The following TTC39B variants were observed in gnomAD, a reference collection of about 807,000 sequenced individuals.
TTC39B encodes the protein tetratricopeptide repeat protein 39B.
A neutral mutation model predicts 96.6 loss-of-function variants in TTC39B; 92 were observed. The ratio of observed to expected loss-of-function variants is 0.95; its 90% CI spans 0.80 to 1.13. The LOEUF (loss-of-function observed/expected upper bound fraction) is 1.13, where lower values mean the gene tolerates loss of function less well. Among genes scored for constraint, TTC39B ranks in the 50% most tolerant of loss-of-function variants. The probability of loss-of-function intolerance (pLI) is 0.00; values close to 1 mark genes in which losing one functional copy is unlikely to be tolerated. For missense variants in TTC39B, 955 were observed against 809.3 expected (o/e 1.18, Z -2.18); for synonymous variants, 367 against 299.4 (o/e 1.23, Z -2.33).
chr9:15,179,857 T>C (rs762643012), intron 17 of TTC39B, among the ~76,000 whole-genome samples: 1 of 152,182 alleles, frequency 6.6e-6, no homozygotes. Context: ...GAACTTGAGT[T>C]AGGCATACGG....
At chr9:15,205,888 CA>C (rs1819821238) in intron 6 of TTC39B, among the ~76,000 whole-genome samples, 1 of 152,070 alleles carries the variant, frequency 6.6e-6, no homozygotes, top group African/African-American at 2.4e-5. Flanking sequence ...AGAGCACCTT[CA>C]GGAAAAGCCA....
chr9:15,260,455 C>A (rs994138891), intron 2 of TTC39B, among the ~76,000 whole-genome samples: 1 of 150,992 alleles, frequency 6.6e-6, no homozygotes, highest in African/African-American at 2.5e-5. Flanking sequence ...CCAAAAAAAA[C>A]AGCAGAGAAA....
intron 1 of TTC39B, among the ~76,000 whole-genome samples, chr9:15,286,095 A>G (rs1470185284): frequency 6.6e-6 from 1 of 152,236 alleles, no homozygotes; most frequent in African/African-American, 2.4e-5. Context: ...AAATAAGGAT[A>G]TCCTCTTACA....
chr9:15,289,261 T>C (rs907978480), intron 1 of TTC39B, among the ~76,000 whole-genome samples: 9 of 152,270 alleles, frequency 5.9e-5, no homozygotes, highest in African/African-American at 2.2e-4. Flanking sequence ...GAATATTTAA[T>C]ACCAAAATGT....
intron 2 of TTC39B, among the ~76,000 whole-genome samples, chr9:15,239,397 C>T (rs370162872): frequency 6.6e-6 from 1 of 152,206 alleles, no homozygotes; most frequent in African/African-American, 2.4e-5. Context: ...CCATTTGAGA[C>T]AGCAATCCCA....
chr9:15,207,781 T>C (rs938024038), intron 6 of TTC39B, among the ~76,000 whole-genome samples: 9 of 151,352 alleles, frequency 5.9e-5, no homozygotes, highest in Admixed American at 2.6e-4. Flanking sequence ...GTCAGGAGAT[T>C]GAGACATCCT....
In TTC39B at chr9:15,271,335, A is replaced by T. The variant is rs72700667; in HGVS notation, c.241-3387T>A. On this transcript the variant is annotated intron_variant, in intron 1 of 19. Transcript: ENST00000512701. ...TACAGGATTTTTAGTGGCGAAAAAG[A>T]CTACCTCAAAGATTATGATTTTGCT... 5.4e-3 allele frequency among the ~76,000 whole-genome samples: 816 copies of T among 152,344 alleles called. 13 individuals carry two copies. Among genetic ancestry groups the T allele is most frequent in the East Asian group, 0.03 (154 of 5,192 alleles).
chr9:15,185,554 C>G lies in TTC39B; in HGVS notation c.1488-148G>C, dbSNP rs1038154811. The G allele has an allele frequency of 5.4e-6, 7 of 1,285,760 alleles. No homozygotes were observed. The African/African-American group carries it at 1.1e-4, about 19-fold the overall frequency. 79.6% of individuals were successfully genotyped at this position (1,285,760 alleles called of 1,614,324 possible). On this transcript the variant is annotated intron_variant, in intron 15 of 19. Coordinates refer to ENST00000512701, the Ensembl canonical transcript of TTC39B. ...CTATTTGAAATGCCAATTTTCAGGCCCTACTCTAGACCTACTGAATCAGCA... is the reference window on the plus strand; with the variant it reads ...CTATTTGAAATGCCAATTTTCAGGCGCTACTCTAGACCTACTGAATCAGCA...
Position 15,179,724 on chromosome 9 carries a change from T to C in TTC39B, c.1724-1910A>G, listed in dbSNP as rs76532188. 9.3e-3 allele frequency among the ~76,000 whole-genome samples: 1,411 copies of C among 152,302 alleles called. 19 individuals are homozygous for C. Among genetic ancestry groups the C allele is most frequent in the African/African-American group, 0.032 (1,346 of 41,564 alleles). On this transcript the variant is annotated intron_variant, in intron 17 of 19. Transcript: ENST00000512701. ...GCATTCTACTGAGTTTCCTGTAGCA[T>C]TGTATCGACAGTTTGTATTATGACA...
chr9:15,199,734 CAAAAAA>C (rs35361396), intron 8 of TTC39B, 121 bp downstream of exon 8: 531 of 70,340 alleles, frequency 7.5e-3, no homozygotes, highest in African/African-American at 0.05. Flanking sequence ...GACTCCGTCT[CAAAAAA>C]AAAAAAAAAA....
intron 1 of TTC39B, among the ~76,000 whole-genome samples, chr9:15,288,188 A>C (rs1410685449): frequency 5.9e-5 from 9 of 152,136 alleles, no homozygotes; most frequent in Admixed American, 5.9e-4. Flanking sequence ...CATCCATATG[A>C]TATGGACAGG....
At chr9:15,255,046 T>C (rs1158316342) in intron 2 of TTC39B, among the ~76,000 whole-genome samples, 1 of 152,144 alleles carries the variant, frequency 6.6e-6, no homozygotes, top group Non-Finnish European at 1.5e-5. Flanking sequence ...AGTTTTAACA[T>C]TTTTCATTCT....
intron 2 of TTC39B, among the ~76,000 whole-genome samples, chr9:15,257,424 T>C (rs1422989518): frequency 6.6e-6 from 1 of 152,088 alleles, no homozygotes; most frequent in Non-Finnish European, 1.5e-5. Flanking sequence ...CTCTTTACTT[T>C]CTGTAGATGT....
intron 3 of TTC39B, among the ~76,000 whole-genome samples, chr9:15,219,110 GA>G (rs1374027304): frequency 6.6e-6 from 1 of 152,086 alleles, no homozygotes; most frequent in Non-Finnish European, 1.5e-5. Flanking sequence ...AAGAACAAAG[GA>G]AAAGTCTTTT....
chr9:15,182,394 C>T (rs769512891), exon 17 of TTC39B: 8 of 1,610,790 alleles, frequency 5.0e-6, no homozygotes, highest in South Asian at 1.1e-5. Flanking sequence ...ATTGAAAAAC[C>T]ATTCCAGACA....
At chr9:15,205,697 C>A (rs768321395) in intron 6 of TTC39B, among the ~76,000 whole-genome samples, 3 of 152,194 alleles carry the variant, frequency 2.0e-5, no homozygotes, top group Non-Finnish European at 4.4e-5. Flanking sequence ...TGAATATCCT[C>A]TTCCTAGGTA....
At chr9:15,270,256 T>G (rs1255314168) in intron 1 of TTC39B, among the ~76,000 whole-genome samples, 1 of 151,934 alleles carries the variant, frequency 6.6e-6, no homozygotes, top group African/African-American at 2.4e-5. Context: ...AATATCATAC[T>G]CCATAAGGGA....
intron 2 of TTC39B, among the ~76,000 whole-genome samples, chr9:15,266,852 G>C (rs867357712): frequency 6.2e-4 from 94 of 152,252 alleles, no homozygotes; most frequent in African/African-American, 2.3e-3. Context: ...GGACAAGAGG[G>C]GCAGATCACG....
chr9:15,230,127 C>T (rs1821342640), intron 2 of TTC39B, among the ~76,000 whole-genome samples: 2 of 152,148 alleles, frequency 1.3e-5, no homozygotes, highest in South Asian at 2.1e-4. Flanking sequence ...CTGGAGGCTA[C>T]GAAAAATAAC....
Sources: allele counts gnomAD v4.1 joint callset (sites outside exome capture counted in the v4.1 genomes callset), GRCh38; gene constraint gnomAD v4.1.1; transcripts MANE v1.5; gene names NCBI Gene and HGNC (gene_info 2026-07-23, HGNC 2026-07-21).